SREBF1: variants seen among roughly 807,000 people sequenced by gnomAD.
SREBF1 encodes the protein sterol regulatory element-binding protein 1.
A neutral mutation model predicts 100.1 loss-of-function variants in SREBF1; 45 were observed. That is an observed-to-expected ratio of 0.45 (90% CI 0.35 to 0.58). The LOEUF (loss-of-function observed/expected upper bound fraction) is 0.58, where lower values mean the gene tolerates loss of function less well. Ranked by LOEUF, SREBF1 falls within the 20% of genes least tolerant of loss-of-function variation. The pLI is 0.00. For synonymous variants in SREBF1, 657 were observed against 681.8 expected, an observed-to-expected ratio of 0.96 and a Z score of 0.57; for missense variants, 1,324 against 1,539.4, an observed-to-expected ratio of 0.86 and a Z score of 2.34.
chr17:17,829,919 C>T (rs1266273961), intron 1 of SREBF1, among the ~76,000 whole-genome samples: 1 of 152,066 alleles, frequency 6.6e-6, no homozygotes, highest in African/African-American at 2.4e-5. Context: ...GGATTACAGG[C>T]GTGAGCCACT....
chr17:17,818,423 G>T, intron 5 of SREBF1, 49 bp from the exon 6 acceptor site: 1 of 1,436,290 alleles, frequency 7.0e-7, no homozygotes. Flanking sequence ...CTGTCAGGTC[G>T]GGGGTTGTGG....
chr17:17,826,182 C>T (rs2034478938), intron 1 of SREBF1, among the ~76,000 whole-genome samples: 1 of 152,202 alleles, frequency 6.6e-6, no homozygotes, highest in East Asian at 1.9e-4. Context: ...GGTTAGTTCT[C>T]TCTACAGCAA....
Position 17,818,354 on chromosome 17 carries a change from C to T in SREBF1, c.1089G>A (p.Leu363=), listed in dbSNP as rs764442896. 2.9e-5 allele frequency: 46 copies of T among 1,613,266 alleles called. No homozygotes were observed. The Admixed American group carries it at 7.5e-4, about 26-fold the overall frequency. The change falls in exon 6 of 19, where the codon TTG becomes TTA. Residue 363 remains leucine (L), a synonymous_variant. Coordinates refer to ENST00000261646, the MANE Select transcript of SREBF1 (RefSeq NM_004176.5). The part of the protein sequence containing the change: ...TEAKLNKSAV[L]RKAIDYIRFL... ...AGCGAATGTAGTCGATGGCCTTGCG[C>T]AAGACAGCAGATTTATTCAGCTGCA... is the stretch of plus-strand genomic sequence containing the variant.
At chr17:17,832,893 C>A (rs1239327907) in intron 1 of SREBF1, among the ~76,000 whole-genome samples, 1 of 151,622 alleles carries the variant, frequency 6.6e-6, no homozygotes, top group Non-Finnish European at 1.5e-5. Context: ...TGCACTCCAG[C>A]CTGGGTGACA....
intron 1 of SREBF1, among the ~76,000 whole-genome samples, chr17:17,829,631 T>G (rs1038622463): frequency 6.6e-6 from 1 of 152,140 alleles, no homozygotes; most frequent in African/African-American, 2.4e-5. Flanking sequence ...AAACACTGCT[T>G]CCTCAGCAGG....
At chr17:17,816,782 G>A in intron 9 of SREBF1, 64 bp from the exon 10 acceptor site, 1 of 1,568,788 alleles carries the variant, frequency 6.4e-7, no homozygotes, top group Non-Finnish European at 8.6e-7. Flanking sequence ...AAGCTCAGAA[G>A]AGCCGTCCAC....
chr17:17,823,378 G>A, intron 1 of SREBF1: 2 of 743,722 alleles, frequency 2.7e-6, no homozygotes, highest in South Asian at 1.4e-5. Flanking sequence ...CCAGCGAGCT[G>A]GTAACTGTCA....
chr17:17,814,553 T>C, intron 15 of SREBF1, 62 bp downstream of exon 15: 1 of 1,536,022 alleles, frequency 6.5e-7, no homozygotes, highest in Non-Finnish European at 8.7e-7. Context: ...TGAGGCACAG[T>C]GCCCAGGGGA....
intron 1 of SREBF1, among the ~76,000 whole-genome samples, chr17:17,831,280 C>A (rs1339872110): frequency 6.6e-6 from 1 of 151,802 alleles, no homozygotes; most frequent in Non-Finnish European, 1.5e-5. Flanking sequence ...GCAGAGCGGG[C>A]CCCCATTGTG....
Position 17,815,274 on chromosome 17 carries a change from T to C in SREBF1, c.2439A>G (p.Ala813=), listed in dbSNP as rs1470393518. Residue 813 remains alanine (A), a synonymous_variant, in exon 13 of 19, where the codon GCA becomes GCG. Transcript: ENST00000261646. ...GGTTGGGCTGGGTCACACAGTTCAG[T>C]GCTCGCTCTAAGAGATGTTCCCGGA... ...QLFREHLLER[A]LNCVTQPNPS... 1 of 1,613,652 alleles carries C rather than the reference T, an allele frequency of 6.2e-7. No homozygotes were observed. Among genetic ancestry groups the C allele is most frequent in the Non-Finnish European group, 8.5e-7 (1 of 1,179,978 alleles).
intron 1 of SREBF1, among the ~76,000 whole-genome samples, chr17:17,823,142 T>C (rs1250635396): frequency 2.0e-5 from 3 of 152,156 alleles, no homozygotes; most frequent in African/African-American, 7.2e-5. Context: ...ATGCCCACAA[T>C]AGGCAGGGGT....
At chr17:17,826,415 G>T (rs1276284446) in intron 1 of SREBF1, among the ~76,000 whole-genome samples, 1 of 152,074 alleles carries the variant, frequency 6.6e-6, no homozygotes, top group Non-Finnish European at 1.5e-5. Flanking sequence ...TGGGAGAGCT[G>T]GTCTCTAGGG....
chr17:17,830,086 G>A (rs1345377380), intron 1 of SREBF1, among the ~76,000 whole-genome samples: 2 of 152,228 alleles, frequency 1.3e-5, no homozygotes, highest in South Asian at 2.1e-4. Context: ...CCATAGCCTG[G>A]TACATCCTAG....
In SREBF1 at chr17:17,815,261, T is replaced by C; in HGVS notation, c.2452A>G (p.Thr818Ala). ...HLLERALNCV[T>A]QPNPSPGSAD... The stretch of plus-strand genomic sequence containing the variant: ...GACCCAGGGCTGGGGTTGGGCTGGG[T>C]CACACAGTTCAGTGCTCGCTCTAAG... The change falls in exon 13 of 19, where the codon ACC (threonine) becomes GCC (alanine). Residue 818 changes from threonine (T) to alanine (A), a missense_variant. Physicochemically the swap from Thr to Ala is moderately conservative, Grantham distance 58 (BLOSUM62 0). Coordinates refer to ENST00000261646, the MANE Select transcript of SREBF1 (RefSeq NM_004176.5). The C allele has an allele frequency of 6.2e-7, 1 of 1,613,642 alleles. No homozygotes were observed. The highest frequency in any genetic ancestry group is 2.2e-5 in the East Asian group (1 of 44,878).
intron 13 of SREBF1, 96 bp downstream of exon 13, chr17:17,815,125 C>T: frequency 2.2e-6 from 3 of 1,341,626 alleles, no homozygotes; most frequent in East Asian, 2.3e-5. Flanking sequence ...CGCACGGTAG[C>T]CCAGCTCTGG....
At chr17:17,828,383 C>T (rs1481121068) in intron 1 of SREBF1, among the ~76,000 whole-genome samples, 1 of 152,236 alleles carries the variant, frequency 6.6e-6, no homozygotes, top group Non-Finnish European at 1.5e-5. Context: ...AACCTCAGAG[C>T]CACGTTTCCT....
intron 11 of SREBF1, 82 bp from the exon 12 acceptor site, chr17:17,816,110 C>T (rs755642616): frequency 1.7e-5 from 26 of 1,552,906 alleles, no homozygotes; most frequent in Middle Eastern, 2.3e-4. Flanking sequence ...GGCCTGGAGT[C>T]CCCCTGGTAA....
rs2143012762 is a variant in SREBF1 at position 17,816,351 on chromosome 17, G to A, written c.2070C>T (p.Leu690=). The A allele has an allele frequency of 1.3e-6, 2 of 1,583,688 alleles. No homozygotes were observed. The highest frequency in any genetic ancestry group is 2.3e-5 in the East Asian group (1 of 43,060). The change falls in exon 11 of 19, where the codon CTC becomes CTT. Residue 690 remains leucine (L), a synonymous_variant. Coordinates refer to ENST00000261646, the MANE Select transcript of SREBF1 (RefSeq NM_004176.5). The part of the protein sequence containing the change: ...HTMGKHTGGH[L]TATNLALSAL... ...CACTCAGCGCCAGGTTGGTGGCAGT[G>A]AGGTGCCCGCCTGTGTGCTTCCCTG...
chr17:17,816,130 C>T, intron 11 of SREBF1, 77 bp downstream of exon 11: 2 of 1,219,104 alleles, frequency 1.6e-6, no homozygotes, highest in Non-Finnish European at 2.1e-6. Flanking sequence ...ACCACTGCCA[C>T]ATCCCGTGTA....
Sources: allele counts gnomAD v4.1 joint callset (sites outside exome capture counted in the v4.1 genomes callset), GRCh38; gene constraint gnomAD v4.1.1; transcripts MANE v1.5; gene names NCBI Gene and HGNC (gene_info 2026-07-23, HGNC 2026-07-21).